The following TMEM163 variants were observed in gnomAD, a reference collection of about 807,000 sequenced individuals.
The protein encoded by TMEM163 is transmembrane protein 163.
TMEM163 carries 17 observed loss-of-function variants against 29.3 expected under a neutral mutation model. The ratio of observed to expected loss-of-function variants is 0.58; its 90% CI spans 0.40 to 0.87. TMEM163 has a LOEUF of 0.87. Ranked by LOEUF, TMEM163 falls within the 40% of genes least tolerant of loss-of-function variation. The pLI is 0.00. For missense variants in TMEM163, 303 were observed against 381.5 expected (o/e 0.79, Z 1.71); for synonymous variants, 157 against 160.6 (o/e 0.98, Z 0.17).
chr2:134,598,950 A>C (rs922823913), intron 2 of TMEM163, among the ~76,000 whole-genome samples: 1 of 150,968 alleles, frequency 6.6e-6, no homozygotes, highest in Non-Finnish European at 1.5e-5. Context: ...GAAAGAAAAG[A>C]AAGCATTGCC....
chr2:134,477,085 C>T (rs977592786), intron 5 of TMEM163, among the ~76,000 whole-genome samples: 12 of 152,202 alleles, frequency 7.9e-5, no homozygotes, highest in African/African-American at 2.9e-4. Context: ...GTCTTTGGCT[C>T]ACCCACCCCT....
At chr2:134,633,999 A>C (rs1558971827) in intron 2 of TMEM163, among the ~76,000 whole-genome samples, 1 of 26,574 alleles carries the variant, frequency 3.8e-5, no homozygotes, top group African/African-American at 1.8e-4. Flanking sequence ...ATATATATAT[A>C]TATATATATA....
At position 134,717,189 on chromosome 2, in the gene TMEM163, C is replaced by T. The variant is rs1312341136; in HGVS notation, c.202+1545G>A. ...AAACAGGCCAGCTCTTAGAGATGAC[C>T]TGCAATGCTACAAAAATAAGCTCAA... On this transcript the variant is annotated intron_variant, in intron 1 of 7. Transcript: ENST00000281924. Among the ~76,000 whole-genome samples, 3 of 152,174 alleles carry T rather than the reference C, an allele frequency of 2.0e-5. No individual in the cohort carries two copies. In the East Asian group the frequency reaches 5.8e-4, roughly 29 times the overall value.
In TMEM163 at chr2:134,556,359, G is replaced by A. The variant is rs61609849; in HGVS notation, c.323-4268C>T. Among the ~76,000 whole-genome samples, 5,086 of 152,208 alleles carry A rather than the reference G, an allele frequency of 0.033. 387 individuals are homozygous for A. In the East Asian group the frequency reaches 0.34, roughly 10 times the overall value. Reference sequence around the variant, plus strand: ...AATCCCATGCCCAAGATTTTAATGCGTAAGAAATGGAAAAACACTTTAAGT... The same window carrying A: ...AATCCCATGCCCAAGATTTTAATGCATAAGAAATGGAAAAACACTTTAAGT... On this transcript the variant is annotated intron_variant, in intron 2 of 7. Coordinates refer to ENST00000281924, the MANE Select transcript of TMEM163 (RefSeq NM_030923.5).
intron 2 of TMEM163, among the ~76,000 whole-genome samples, chr2:134,629,974 A>G (rs981005186): frequency 6.6e-6 from 1 of 152,220 alleles, no homozygotes; most frequent in Non-Finnish European, 1.5e-5. Context: ...ATTAGAGGAC[A>G]TGATGAATTA....
intron 4 of TMEM163, among the ~76,000 whole-genome samples, chr2:134,516,572 A>AAT (rs1194383934): frequency 4.0e-5 from 6 of 149,196 alleles, no homozygotes; most frequent in East Asian, 1.9e-4. Context: ...AAAATAAATA[A>AAT]ATATATATAT....
intron 2 of TMEM163, among the ~76,000 whole-genome samples, chr2:134,686,456 C>G (rs1684354092): frequency 6.6e-6 from 1 of 152,134 alleles, no homozygotes; most frequent in Admixed American, 6.5e-5. Flanking sequence ...GGTTATATGA[C>G]AGCTGACTCG....
chr2:134,595,861 GGCCA>G (rs746516873), intron 2 of TMEM163, among the ~76,000 whole-genome samples: 11 of 152,164 alleles, frequency 7.2e-5, no homozygotes, highest in Non-Finnish European at 1.5e-4. Flanking sequence ...TTTCTCTGAT[GGCCA>G]GTGATGATGA....
intron 5 of TMEM163, among the ~76,000 whole-genome samples, chr2:134,475,822 G>C (rs531808745): frequency 6.6e-6 from 1 of 152,186 alleles, no homozygotes; most frequent in South Asian, 2.1e-4. Flanking sequence ...TTAAAAAAAA[G>C]AAAACACATA....
intron 5 of TMEM163, among the ~76,000 whole-genome samples, chr2:134,477,048 G>A (rs1340357254): frequency 2.0e-5 from 3 of 152,138 alleles, no homozygotes; most frequent in Non-Finnish European, 4.4e-5. Context: ...CCACACCTAC[G>A]TTTAGCACTT....
chr2:134,554,823 G>C (rs1423917161), intron 2 of TMEM163, among the ~76,000 whole-genome samples: 2 of 152,258 alleles, frequency 1.3e-5, no homozygotes, highest in Middle Eastern at 3.4e-3. Flanking sequence ...GGATGACCTA[G>C]AGCACAAGTG....
chr2:134,501,566 C>T (rs1431283125), intron 5 of TMEM163, among the ~76,000 whole-genome samples: 1 of 152,208 alleles, frequency 6.6e-6, no homozygotes, highest in African/African-American at 2.4e-5. Flanking sequence ...AAAACGTAGA[C>T]GTTACCTGAC....
At chr2:134,559,546 T>A (rs933179265) in intron 2 of TMEM163, among the ~76,000 whole-genome samples, 2 of 152,050 alleles carry the variant, frequency 1.3e-5, no homozygotes, top group Admixed American at 1.3e-4. Context: ...CCTGCCACCC[T>A]CCGGGGCTCT....
At chr2:134,492,871 G>T (rs1488769596) in intron 5 of TMEM163, among the ~76,000 whole-genome samples, 2 of 152,198 alleles carry the variant, frequency 1.3e-5, no homozygotes, top group African/African-American at 4.8e-5. Context: ...ACCTAAGGTT[G>T]GATGGCTAGT....
intron 4 of TMEM163, among the ~76,000 whole-genome samples, chr2:134,527,445 G>A (rs1306538218): frequency 1.3e-5 from 2 of 152,108 alleles, no homozygotes; most frequent in African/African-American, 4.8e-5. Context: ...CTTAACATGT[G>A]CAAAAGACAC....
chr2:134,606,444 G>T (rs1682363331), intron 2 of TMEM163, among the ~76,000 whole-genome samples: 1 of 152,146 alleles, frequency 6.6e-6, no homozygotes, highest in Admixed American at 6.5e-5. Flanking sequence ...AAAGTCAAGG[G>T]CATCCTTCAG....
intron 3 of TMEM163, 134 bp from the exon 4 acceptor site, chr2:134,550,795 C>A (rs747441007): frequency 4.9e-6 from 4 of 816,738 alleles, no homozygotes; most frequent in African/African-American, 1.7e-5. Flanking sequence ...CCCATCATTA[C>A]GACGCAGCCA....
Position 134,460,061 on chromosome 2 carries a change from C to T in TMEM163, c.668-1888G>A, listed in dbSNP as rs1382505118. Among the ~76,000 whole-genome samples the T allele has an allele frequency of 7.1e-6, 1 of 140,812 alleles. No homozygotes were observed. The highest frequency in any genetic ancestry group is 1.5e-5 in the Non-Finnish European group (1 of 66,744). The allele number at this position is 140,812 out of a possible 152,430, so 92.4% of individuals were successfully genotyped here. On this transcript the variant is annotated intron_variant, in intron 6 of 7. Transcript: ENST00000281924. This position sits in a 1 kb window ranked among gnomAD's most constrained non-coding sequence, Gnocchi z 4.3. ...ACACCACCAACCTGCCCCTCGAGCC[C>T]CTTGCCAGATGTTACCCCCCCCCAA...
At chr2:134,702,044 T>C (rs145927868) in intron 2 of TMEM163, among the ~76,000 whole-genome samples, 2 of 151,278 alleles carry the variant, frequency 1.3e-5, no homozygotes, top group Non-Finnish European at 2.9e-5. Context: ...AGTAACCATC[T>C]CAGGGAAGCC....
Sources: allele counts gnomAD v4.1 joint callset (sites outside exome capture counted in the v4.1 genomes callset), GRCh38; gene constraint gnomAD v4.1.1; non-coding constraint Gnocchi (gnomAD v3.1); transcripts MANE v1.5; gene names NCBI Gene and HGNC (gene_info 2026-07-23, HGNC 2026-07-21).